SLC27A1: variants seen among roughly 807,000 people sequenced by gnomAD.
SLC27A1 encodes the protein solute carrier family 27 member 1.
A neutral mutation model predicts 62.2 loss-of-function variants in SLC27A1; 61 were observed. The observed-to-expected ratio is 0.98, with a 90% CI of 0.80 to 1.21. The LOEUF is 1.21. Ranked by LOEUF, SLC27A1 falls within the 50% of genes most tolerant of loss-of-function variation. SLC27A1 has a pLI of 0.00. For synonymous variants in SLC27A1, 435 were observed against 408.6 expected (o/e 1.06, Z -0.78); for missense variants, 903 against 932.1 (o/e 0.97, Z 0.41).
intron 11 of SLC27A1, among the ~76,000 whole-genome samples, chr19:17,502,085 C>T (rs534731684): frequency 6.6e-6 from 1 of 151,952 alleles, no homozygotes; most frequent in Non-Finnish European, 1.5e-5. Context: ...CACTGCACTC[C>T]AGCCTGGGTG....
At position 17,504,832 on chromosome 19, in the gene SLC27A1, CTG is replaced by C. The variant is rs968976269; in HGVS notation, c.*222_*223del. ...GCCTCCTCTCCCTGCTTTTCAGCCT[CTG>C]TCTCCTTCCATCCCTGTCCCTGTCT... On this transcript the variant is annotated 3_prime_UTR_variant, in exon 12 of 12. Coordinates refer to ENST00000252595, the MANE Select transcript of SLC27A1 (RefSeq NM_198580.3). 11 of 699,168 alleles carry C rather than the reference CTG, an allele frequency of 1.6e-5. No homozygotes were observed. The highest frequency in any genetic ancestry group is 8.1e-5 in the Admixed American group (4 of 49,662). 43.3% of individuals were successfully genotyped at this position (699,168 alleles called of 1,614,324 possible).
At chr19:17,485,238 G>A (rs2075217793) in intron 1 of SLC27A1, among the ~76,000 whole-genome samples, 1 of 139,010 alleles carries the variant, frequency 7.2e-6, no homozygotes, top group Non-Finnish European at 1.5e-5. Context: ...GGCCCAGGCT[G>A]GAGTGAATTT....
chr19:17,487,902 C>T (rs1036087525), intron 4 of SLC27A1, among the ~76,000 whole-genome samples: 1 of 152,088 alleles, frequency 6.6e-6, no homozygotes, highest in African/African-American at 2.4e-5. Flanking sequence ...TGCCCCCCAT[C>T]TGGACCTGTG....
At chr19:17,485,910 C>T (rs914528804) in intron 1 of SLC27A1, among the ~76,000 whole-genome samples, 1 of 152,178 alleles carries the variant, frequency 6.6e-6, no homozygotes, top group Non-Finnish European at 1.5e-5. Context: ...TTCAGGAACC[C>T]GGCTCCTTTC....
chr19:17,501,488 C>T, intron 11 of SLC27A1, 69 bp downstream of exon 11: 1 of 1,557,530 alleles, frequency 6.4e-7, no homozygotes. Context: ...TGTCTTGGTC[C>T]ATTTTGTGTT....
intron 1 of SLC27A1, among the ~76,000 whole-genome samples, chr19:17,481,982 G>A (rs1331136898): frequency 1.3e-5 from 2 of 152,180 alleles, no homozygotes; most frequent in African/African-American, 4.8e-5. Context: ...GCCACGGGTG[G>A]CTGCTCTCTC....
At chr19:17,469,729 A>AG (rs1290357394), upstream of SLC27A1, among the ~76,000 whole-genome samples, 1 of 148,400 alleles carries the variant, frequency 6.7e-6, no homozygotes, top group Non-Finnish European at 1.5e-5. Context: ...CCTAGGTCCT[A>AG]GGGGGGCCGG....
At chr19:17,483,695 C>T (rs901651753) in intron 1 of SLC27A1, among the ~76,000 whole-genome samples, 3 of 152,120 alleles carry the variant, frequency 2.0e-5, no homozygotes, top group Non-Finnish European at 4.4e-5. Flanking sequence ...CCATGAGCCT[C>T]ATGGAGCCGG....
chr19:17,491,897 A>G (rs142724432), intron 6 of SLC27A1, among the ~76,000 whole-genome samples: 5 of 152,220 alleles, frequency 3.3e-5, no homozygotes, highest in African/African-American at 1.2e-4. Context: ...AAAGAAAAGA[A>G]AAGAAAAGAA....
At position 17,472,217 on chromosome 19, in the gene SLC27A1, A is replaced by G. The variant is rs561427735; in HGVS notation, c.167+1510A>G. Reference sequence around the variant, plus strand: ...AAACCATCCTGGCTAACACGGTGAAACCCCGTTTCTAATAAAAATACAAAA... The same window carrying G: ...AAACCATCCTGGCTAACACGGTGAAGCCCCGTTTCTAATAAAAATACAAAA... On this transcript the variant is annotated intron_variant, in intron 1 of 11. Coordinates refer to ENST00000252595, the MANE Select transcript of SLC27A1 (RefSeq NM_198580.3). 3.3e-5 allele frequency among the ~76,000 whole-genome samples: 5 copies of G among 151,882 alleles called. No homozygotes were observed. The East Asian group carries it at 9.8e-4, about 30-fold the overall frequency.
chr19:17,483,364 G>A (rs576691818), intron 1 of SLC27A1, among the ~76,000 whole-genome samples: 1 of 152,244 alleles, frequency 6.6e-6, no homozygotes, highest in Admixed American at 6.5e-5. Flanking sequence ...TGTGGTGCCT[G>A]GAAGGTTTCC....
At position 17,486,751 on chromosome 19, in the gene SLC27A1, T is replaced by G. The variant is rs1264884526; in HGVS notation, c.356T>G (p.Leu119Arg). 1 of 1,609,376 alleles carries G rather than the reference T, an allele frequency of 6.2e-7. No homozygotes were observed. Among genetic ancestry groups the G allele is most frequent in the South Asian group, 1.1e-5 (1 of 90,934 alleles). Residue 119 changes from leucine (L) to arginine (R), a missense_variant, in exon 2 of 12, where the codon CTC becomes CGC. Coordinates refer to ENST00000252595, the MANE Select transcript of SLC27A1 (RefSeq NM_198580.3). The surrounding 1 kb of genome is among the most constrained non-coding windows in gnomAD (Gnocchi z 6.6). ...LDAYSNAVAN[L>R]FRQLGFAPGD... ...GCCTACTCCAATGCGGTAGCCAACC[T>G]CTTCCGCCAGCTGGGCTTCGCGCCG...
intron 1 of SLC27A1, among the ~76,000 whole-genome samples, chr19:17,472,301 A>C (rs2075084103): frequency 6.6e-6 from 1 of 151,314 alleles, no homozygotes; most frequent in African/African-American, 2.4e-5. Flanking sequence ...AGGCTGAGGC[A>C]GGAGAATGGT....
intron 1 of SLC27A1, among the ~76,000 whole-genome samples, chr19:17,476,255 G>T (rs1473332402): frequency 6.6e-6 from 1 of 152,122 alleles, no homozygotes; most frequent in Non-Finnish European, 1.5e-5. Context: ...GGTGCTCCAG[G>T]CTGGGCATGG....
chr19:17,472,921 A>T lies in SLC27A1; in HGVS notation c.167+2214A>T, dbSNP rs146815443. Among the ~76,000 whole-genome samples the T allele has an allele frequency of 1.9e-3, 295 of 151,990 alleles. 1 individual carries two copies. Among genetic ancestry groups the T allele is most frequent in the African/African-American group, 6.6e-3 (275 of 41,444 alleles). ...GCAATCCTCCCACCTCAGCCTCCTGACTAGCTGGGACTACAAACGCCTGCC... is the reference window on the plus strand; with the variant it reads ...GCAATCCTCCCACCTCAGCCTCCTGTCTAGCTGGGACTACAAACGCCTGCC... On this transcript the variant is annotated intron_variant, in intron 1 of 11. Transcript: ENST00000252595.
intron 1 of SLC27A1, among the ~76,000 whole-genome samples, chr19:17,474,943 G>T (rs1387031608): frequency 6.7e-6 from 1 of 148,316 alleles, no homozygotes; most frequent in African/African-American, 2.5e-5. Context: ...TTTTTGAGAC[G>T]GAGTCTTGCT....
chr19:17,478,466 C>CAAAAAAA (rs869214050), intron 1 of SLC27A1, among the ~76,000 whole-genome samples: 7 of 48,380 alleles, frequency 1.4e-4, no homozygotes, highest in Admixed American at 2.6e-4. Context: ...GACTCCGTCT[C>CAAAAAAA]AAAAAAAAAA....
chr19:17,489,114 C>G lies in SLC27A1; in HGVS notation c.993C>G (p.Cys331Trp). ...RFWDDCIKYNCTVVQYIGEIC... is the reference protein window; with the variant it reads ...RFWDDCIKYNWTVVQYIGEIC... Reference sequence around the variant, plus strand: ...GGGACGACTGCATCAAGTACAACTGCACGGTCAGGCCCTGCCCTGTTCTGT... The same window carrying G: ...GGGACGACTGCATCAAGTACAACTGGACGGTCAGGCCCTGCCCTGTTCTGT... Residue 331 changes from cysteine (C) to tryptophan (W), a missense_variant, in exon 6 of 12, where the codon TGC (cysteine) becomes TGG (tryptophan). Coordinates refer to ENST00000252595, the MANE Select transcript of SLC27A1 (RefSeq NM_198580.3). The G allele has an allele frequency of 6.2e-7, 1 of 1,613,894 alleles. No homozygotes were observed. Among genetic ancestry groups the G allele is most frequent in the Non-Finnish European group, 8.5e-7 (1 of 1,179,838 alleles).
chr19:17,497,822 T>C, intron 7 of SLC27A1: 1 of 285,014 alleles, frequency 3.5e-6, no homozygotes, highest in Non-Finnish European at 6.6e-6. Context: ...TTTGTTGTTG[T>C]TGTTTGAGAC....
Sources: allele counts gnomAD v4.1 joint callset (sites outside exome capture counted in the v4.1 genomes callset), GRCh38; gene constraint gnomAD v4.1.1; non-coding constraint Gnocchi (gnomAD v3.1); transcripts MANE v1.5; gene names NCBI Gene and HGNC (gene_info 2026-07-23, HGNC 2026-07-21).